The following PIK3C2G variants were observed in gnomAD, a reference collection of about 807,000 sequenced individuals.
PIK3C2G encodes phosphatidylinositol-4-phosphate 3-kinase catalytic subunit type 2 gamma, also known as phosphatidylinositol 3-kinase C2 domain-containing subunit gamma.
In PIK3C2G, 168 loss-of-function variants were observed where a neutral mutation model predicts 181.1. The ratio of observed to expected loss-of-function variants is 0.93; its 90% CI spans 0.82 to 1.05. The LOEUF is 1.05. PIK3C2G is among the 50% of genes least tolerant of loss of function. The probability of loss-of-function intolerance (pLI) is 0.00; values close to 1 mark genes in which losing one functional copy is unlikely to be tolerated. For missense variants in PIK3C2G, 1,869 were observed against 1,732.8 expected, an observed-to-expected ratio of 1.08 and a Z score of -1.40; for synonymous variants, 573 against 592.2, an observed-to-expected ratio of 0.97 and a Z score of 0.47.
In PIK3C2G at chr12:18,488,496, A is replaced by C. The variant is rs966818999; in HGVS notation, c.2552A>C (p.Gln851Pro). The C allele has an allele frequency of 6.4e-7, 1 of 1,555,024 alleles. No individual in the cohort carries two copies. The highest frequency in any genetic ancestry group is 8.7e-7 in the Non-Finnish European group (1 of 1,151,084). Residue 851 changes from glutamine (Q) to proline (P), a missense_variant, in exon 19 of 33, where the codon CAG (glutamine) becomes CCG (proline). Transcript: ENST00000538779. ...GAAGCTTATTTTAAAAGCTGGTATCAGAAGCTACTAGCTGCTCTCCAATTC... is the reference window on the plus strand; with the variant it reads ...GAAGCTTATTTTAAAAGCTGGTATCCGAAGCTACTAGCTGCTCTCCAATTC... ...ENEAYFKSWY[Q>P]KLLAALQFCA...
At chr12:18,692,922 C>T in the PIK3C2G span, 2 of 1,585,030 alleles carry the variant, frequency 1.3e-6, no homozygotes, top group East Asian at 2.2e-5. Context: ...TGCCAGCAAA[C>T]TGCCACTGGT....
At chr12:18,664,976 G>T in the PIK3C2G span, among the ~76,000 whole-genome samples, 1 of 128,806 alleles carries the variant, frequency 7.8e-6, no homozygotes, top group African/African-American at 3.0e-5. Flanking sequence ...ATGGACACAG[G>T]AAGGGGAACA....
Position 18,383,993 on chromosome 12 carries a change from T to TA in PIK3C2G, c.1995+2113_1995+2114insA, listed in dbSNP as rs942691843. Among the ~76,000 whole-genome samples, 46 of 149,806 alleles carry TA rather than the reference T, an allele frequency of 3.1e-4. 2 individuals carry two copies. Among genetic ancestry groups the TA allele is most frequent in the African/African-American group, 1.1e-3 (44 of 41,080 alleles). On this transcript the variant is annotated intron_variant, in intron 14 of 32. Coordinates refer to ENST00000538779, the MANE Select transcript of PIK3C2G (RefSeq NM_001288772.2). The stretch of plus-strand genomic sequence containing the variant: ...TATTTTTATTATTATTATTATTTTT[T>TA]TTTTTTTTGTAGAGATGGGAGTCTC...
chr12:18,520,103 C>T (rs1565471750), intron 24 of PIK3C2G, among the ~76,000 whole-genome samples: 1 of 150,906 alleles, frequency 6.6e-6, no homozygotes, highest in Non-Finnish European at 1.5e-5. Context: ...GTCTGATGGG[C>T]TTACCTTTGT....
intron 30 of PIK3C2G, among the ~76,000 whole-genome samples, chr12:18,603,144 A>G (rs925162574): frequency 9.2e-5 from 14 of 152,218 alleles, no homozygotes; most frequent in Admixed American, 7.9e-4. Flanking sequence ...AAGTGAAGGG[A>G]AAAATATTCA....
intron 26 of PIK3C2G, among the ~76,000 whole-genome samples, chr12:18,547,641 T>A (rs1169265719): frequency 8.6e-6 from 1 of 115,766 alleles, no homozygotes. Context: ...GAAGAGTTGT[T>A]GCAAAAACAA....
At chr12:18,582,880 C>G (rs1258139842) in intron 29 of PIK3C2G, among the ~76,000 whole-genome samples, 1 of 151,988 alleles carries the variant, frequency 6.6e-6, no homozygotes, top group African/African-American at 2.4e-5. Context: ...GTATCACCAG[C>G]CACTCTCACC....
chr12:18,424,457 A>T (rs1945674053), intron 18 of PIK3C2G, among the ~76,000 whole-genome samples: 2 of 152,224 alleles, frequency 1.3e-5, no homozygotes, highest in Non-Finnish European at 2.9e-5. Context: ...AGGCTAATGT[A>T]TACTCATTCT....
rs576839696 is a variant in PIK3C2G at position 18,380,977 on chromosome 12, A to G, written c.1881-789A>G. Among the ~76,000 whole-genome samples, 29 of 152,326 alleles carry G rather than the reference A, an allele frequency of 1.9e-4. 1 individual carries two copies. In the South Asian group the frequency reaches 6.0e-3, roughly 32 times the overall value. On this transcript the variant is annotated intron_variant, in intron 13 of 32. Transcript: ENST00000538779. ...TTCAGTTTTGCACTTTCAAGTTGGC[A>G]TATTAAAATCCAACACTGTTTTCTG...
At chr12:18,517,019 G>C (rs1256207098) in intron 24 of PIK3C2G, among the ~76,000 whole-genome samples, 4 of 145,800 alleles carry the variant, frequency 2.7e-5, no homozygotes, top group Non-Finnish European at 6.0e-5. Context: ...TTTTTTCTTT[G>C]CTTTGCTTTT....
intron 26 of PIK3C2G, among the ~76,000 whole-genome samples, chr12:18,548,306 G>A (rs765902180): frequency 2.0e-5 from 3 of 152,036 alleles, no homozygotes; most frequent in Non-Finnish European, 2.9e-5. Flanking sequence ...GCCTGTGTTC[G>A]AGATGTGTCA....
At chr12:18,318,958 A>G (rs1481782737) in intron 6 of PIK3C2G, among the ~76,000 whole-genome samples, 1 of 151,870 alleles carries the variant, frequency 6.6e-6, no homozygotes, top group African/African-American at 2.4e-5. Flanking sequence ...GGTGTTGTGT[A>G]CCTATAATCC....
chr12:18,322,377 A>C (rs1343000667), intron 7 of PIK3C2G, among the ~76,000 whole-genome samples: 2 of 142,698 alleles, frequency 1.4e-5, no homozygotes, highest in Admixed American at 1.5e-4. Context: ...GTGAGACCTC[A>C]TCTCAAAAAA....
At chr12:18,494,876 C>A (rs985760883) in intron 20 of PIK3C2G, among the ~76,000 whole-genome samples, 2 of 152,086 alleles carry the variant, frequency 1.3e-5, no homozygotes, top group Admixed American at 1.3e-4. Context: ...TATAAAATAT[C>A]TATTTCTTAA....
intron 30 of PIK3C2G, among the ~76,000 whole-genome samples, chr12:18,604,350 C>G (rs571389629): frequency 6.6e-6 from 1 of 152,206 alleles, no homozygotes; most frequent in Admixed American, 6.5e-5. Context: ...CTATCACAAA[C>G]CTAAACATAT....
intron 26 of PIK3C2G, among the ~76,000 whole-genome samples, chr12:18,562,191 G>T (rs1302871762): frequency 6.6e-6 from 1 of 152,160 alleles, no homozygotes; most frequent in African/African-American, 2.4e-5. Flanking sequence ...GAGTGCAGCC[G>T]CAGGATCTCG....
chr12:18,597,930 C>A (rs1412095165), intron 30 of PIK3C2G, among the ~76,000 whole-genome samples: 1 of 152,086 alleles, frequency 6.6e-6, no homozygotes, highest in South Asian at 2.1e-4. Flanking sequence ...ACCTAGGAAT[C>A]CAACTTACAA....
chr12:18,567,100 C>A (rs774138727), intron 29 of PIK3C2G, 43 bp downstream of exon 29: 9 of 917,870 alleles, frequency 9.8e-6, no homozygotes, highest in Non-Finnish European at 1.2e-5. Flanking sequence ...AAAACATCAA[C>A]TATTTTATAT....
upstream of PIK3C2G, among the ~76,000 whole-genome samples, chr12:18,243,795 GC>G (rs1948010183): frequency 6.6e-6 from 1 of 151,832 alleles, no homozygotes; most frequent in Non-Finnish European, 1.5e-5. Context: ...CACTGGATTT[GC>G]TACTTTAATA....
Sources: gnomAD v4.1 joint callset for allele counts (sites outside exome capture counted in the v4.1 genomes callset) on GRCh38, gnomAD v4.1.1 for gene constraint, MANE v1.5 for transcripts, NCBI Gene and HGNC (gene_info 2026-07-23, HGNC 2026-07-21) for gene names.